Variants in MAPK14 observed in about 807,000 individuals in gnomAD.
The protein encoded by MAPK14 is mitogen-activated protein kinase 14, also known as CSAID-binding protein.
Under a neutral mutation model 49.6 loss-of-function variants are expected in MAPK14, and 16 were observed. That is an observed-to-expected ratio of 0.32 (90% CI 0.22 to 0.49). The LOEUF (loss-of-function observed/expected upper bound fraction) is 0.49, where lower values mean the gene tolerates loss of function less well. Ranked by LOEUF, MAPK14 falls within the 20% of genes least tolerant of loss-of-function variation. The probability of loss-of-function intolerance (pLI) is 0.99; values close to 1 mark genes in which losing one functional copy is unlikely to be tolerated. For missense variants in MAPK14, 200 were observed against 441.2 expected, an observed-to-expected ratio of 0.45 and a Z score of 4.90; for synonymous variants, 142 against 158.0, an observed-to-expected ratio of 0.90 and a Z score of 0.76.
At chr6:36,099,910 T>C (rs1765574863) in intron 9 of MAPK14, among the ~76,000 whole-genome samples, 1 of 152,208 alleles carries the variant, frequency 6.6e-6, no homozygotes, top group Non-Finnish European at 1.5e-5. Context: ...GGCAGTCTGT[T>C]TCCAGGGAAC....
At chr6:36,115,807 G>C (rs574124595), downstream of MAPK14, among the ~76,000 whole-genome samples, 219 of 151,694 alleles carry the variant, frequency 1.4e-3, no homozygotes, top group African/African-American at 5.0e-3. Context: ...CACCCACCTG[G>C]GTCCCAGCTA....
the MAPK14 span, among the ~76,000 whole-genome samples, chr6:36,117,259 C>G: frequency 1.3e-5 from 2 of 152,204 alleles, no homozygotes; most frequent in African/African-American, 4.8e-5. Context: ...AGGGCTCAAG[C>G]CAGCACTCGC....
Position 36,028,925 on chromosome 6 carries a change from A to C in MAPK14, c.116+652A>C, listed in dbSNP as rs1399385869. Among the ~76,000 whole-genome samples, 1 of 151,190 alleles carries C rather than the reference A, an allele frequency of 6.6e-6. No homozygotes were observed. Among genetic ancestry groups the C allele is most frequent in the Non-Finnish European group, 1.5e-5 (1 of 67,932 alleles). On this transcript the variant is annotated intron_variant, in intron 1 of 11. Coordinates refer to ENST00000229794, the MANE Select transcript of MAPK14 (RefSeq NM_139012.3). The surrounding 1 kb of genome is among the most constrained non-coding windows in gnomAD (Gnocchi z 5.1). The stretch of plus-strand genomic sequence containing the variant: ...ACTTTATCTCGGTGAGCACTGTGCC[A>C]GCTTGAGTGGTGTGTTTCCGATTCG...
At position 36,086,588 on chromosome 6, in the gene MAPK14, C is replaced by T. The variant is rs185147893; in HGVS notation, c.683-9399C>T. On this transcript the variant is annotated intron_variant, in intron 8 of 11. Coordinates refer to ENST00000229794, the MANE Select transcript of MAPK14 (RefSeq NM_139012.3). Reference sequence around the variant, plus strand: ...GAATTCCTGGACACATATGACCTCCCAAGACTGAACCAGGAAAACGTTGAA... The same window carrying T: ...GAATTCCTGGACACATATGACCTCCTAAGACTGAACCAGGAAAACGTTGAA... 6.6e-4 allele frequency among the ~76,000 whole-genome samples: 101 copies of T among 152,206 alleles called. 2 individuals are homozygous for T. The South Asian group carries it at 0.011, about 17-fold the overall frequency.
At chr6:36,083,916 C>G (rs886142387) in intron 8 of MAPK14, among the ~76,000 whole-genome samples, 2 of 152,132 alleles carry the variant, frequency 1.3e-5, no homozygotes, top group South Asian at 4.1e-4. Context: ...CAACAGGGGT[C>G]GCCAGACACC....
At chr6:36,060,053 G>C (rs1180999095) in intron 3 of MAPK14, among the ~76,000 whole-genome samples, 1 of 152,208 alleles carries the variant, frequency 6.6e-6, no homozygotes, top group Admixed American at 6.5e-5. Context: ...CTAGAAAGCA[G>C]AGCCTGGGAT....
chr6:36,102,098 C>T (rs6936327), intron 9 of MAPK14, among the ~76,000 whole-genome samples: 24,714 of 152,114 alleles, frequency 0.16, 2,750 homozygotes, highest in African/African-American at 0.32. Context: ...TTGTTACCAC[C>T]GTTACTTTGT....
intron 9 of MAPK14, 185 bp downstream of exon 9, chr6:36,096,251 A>T: frequency 1.9e-6 from 1 of 534,936 alleles, no homozygotes; most frequent in Non-Finnish European, 3.3e-6. Context: ...GCCTGCTTGC[A>T]TGCACAAGTG....
At chr6:36,102,507 A>T (rs1765670444) in intron 9 of MAPK14, 64 bp from the exon 10 acceptor site, 1 of 1,250,998 alleles carries the variant, frequency 8.0e-7, no homozygotes, top group South Asian at 1.2e-5. Flanking sequence ...CAGGACCAAG[A>T]TTCTTTCTTT....
chr6:36,044,125 T>C (rs1019826643), intron 1 of MAPK14, among the ~76,000 whole-genome samples: 9 of 152,150 alleles, frequency 5.9e-5, no homozygotes, highest in Non-Finnish European at 1.2e-4. Context: ...TTTATAGATA[T>C]TCTAATGAAT....
At chr6:36,096,653 C>G (rs1434238345) in intron 9 of MAPK14, 5 of 152,258 alleles carry the variant, frequency 3.3e-5, no homozygotes, top group African/African-American at 1.2e-4. Context: ...AGTCCCTAGA[C>G]CCCACTCAGA....
chr6:36,054,733 A>T (rs187668288), intron 2 of MAPK14, among the ~76,000 whole-genome samples: 4 of 152,328 alleles, frequency 2.6e-5, no homozygotes, highest in Admixed American at 2.0e-4. Context: ...CCCAATAAAG[A>T]ACCAAAACTT....
chr6:36,092,485 C>A, intron 8 of MAPK14: 1 of 599,376 alleles, frequency 1.7e-6, no homozygotes, highest in South Asian at 1.5e-5. Flanking sequence ...CCAGTCTGTT[C>A]TTTCCTGGTT....
intron 9 of MAPK14, 58 bp from the exon 10 acceptor site, chr6:36,102,513 T>C: frequency 8.4e-6 from 11 of 1,304,590 alleles, no homozygotes; most frequent in Non-Finnish European, 1.2e-5. Flanking sequence ...CAAGATTCTT[T>C]CTTTGAGAGC....
chr6:36,095,802 A>C (rs1450961873), intron 8 of MAPK14, among the ~76,000 whole-genome samples, 185 bp from the exon 9 acceptor site: 1 of 151,582 alleles, frequency 6.6e-6, no homozygotes, highest in Non-Finnish European at 1.5e-5. Flanking sequence ...CAGGAGGAGC[A>C]TGCCCTACGT....
intron 8 of MAPK14, among the ~76,000 whole-genome samples, chr6:36,092,857 G>T (rs1349078102): frequency 1.3e-5 from 2 of 152,324 alleles, no homozygotes; most frequent in East Asian, 3.9e-4. Flanking sequence ...AAGCTGCTCT[G>T]TGGAAGGTGC....
intron 4 of MAPK14, among the ~76,000 whole-genome samples, chr6:36,073,374 C>G (rs1232326202): frequency 6.6e-6 from 1 of 152,166 alleles, no homozygotes; most frequent in African/African-American, 2.4e-5. Flanking sequence ...TCAAGAAAGA[C>G]TAATTTATTT....
chr6:36,115,364 C>T (rs1472148073), downstream of MAPK14, among the ~76,000 whole-genome samples: 2 of 152,178 alleles, frequency 1.3e-5, no homozygotes, highest in Non-Finnish European at 2.9e-5. Context: ...TTACCCTTTG[C>T]ATAACTAATA....
intron 1 of MAPK14, among the ~76,000 whole-genome samples, chr6:36,047,489 C>G (rs529213290): frequency 6.6e-5 from 10 of 152,350 alleles, no homozygotes; most frequent in Admixed American, 4.6e-4. Flanking sequence ...TTGCATTTTA[C>G]TCTGTATGCC....
Sources: allele counts gnomAD v4.1 joint callset (sites outside exome capture counted in the v4.1 genomes callset), GRCh38; gene constraint gnomAD v4.1.1; non-coding constraint Gnocchi (gnomAD v3.1); transcripts MANE v1.5; gene names NCBI Gene and HGNC (gene_info 2026-07-23, HGNC 2026-07-21).